The following COL26A1 variants were observed in gnomAD, a reference collection of about 807,000 sequenced individuals.
COL26A1 encodes the protein collagen type XXVI alpha 1 chain.
In COL26A1, 41 loss-of-function variants were observed where a neutral mutation model predicts 59.3. The observed-to-expected ratio is 0.69, with a 90% CI of 0.54 to 0.90. COL26A1 has a LOEUF of 0.90. Among genes scored for constraint, COL26A1 ranks in the 40% least tolerant of loss-of-function variants. The probability of loss-of-function intolerance (pLI) is 0.00; values close to 1 mark genes in which losing one functional copy is unlikely to be tolerated. For missense variants in COL26A1, 612 were observed against 602.3 expected, an observed-to-expected ratio of 1.02 and a Z score of -0.17; for synonymous variants, 266 against 256.0, an observed-to-expected ratio of 1.04 and a Z score of -0.37.
chr7:101,393,950 A>ATT (rs35379126), intron 1 of COL26A1, among the ~76,000 whole-genome samples: 3 of 149,756 alleles, frequency 2.0e-5, no homozygotes, highest in Non-Finnish European at 4.5e-5. Context: ...TTAAAAAAAA[A>ATT]TTTTTTTTTT....
At chr7:101,365,458 G>A (rs111276893) in intron 1 of COL26A1, among the ~76,000 whole-genome samples, 2,733 of 151,966 alleles carry the variant, frequency 0.018, 68 homozygotes, top group African/African-American at 0.063. Flanking sequence ...ACAGAGTCTC[G>A]CTCTGTCTCC....
At chr7:101,557,264 C>T (rs1036697626) in intron 12 of COL26A1, 106 bp from the exon 13 acceptor site, 1 of 1,193,534 alleles carries the variant, frequency 8.4e-7, no homozygotes, top group Non-Finnish European at 1.2e-6. Flanking sequence ...CCTTGCTTCT[C>T]CACGCTGGGC....
At chr7:101,556,556 T>C (rs1255795292) in intron 12 of COL26A1, among the ~76,000 whole-genome samples, 1 of 152,046 alleles carries the variant, frequency 6.6e-6, no homozygotes, top group Non-Finnish European at 1.5e-5. Context: ...GATGGGTAGA[T>C]GCATGGATGA....
chr7:101,430,554 G>A (rs546022068), intron 2 of COL26A1, among the ~76,000 whole-genome samples: 3 of 151,928 alleles, frequency 2.0e-5, no homozygotes, highest in Non-Finnish European at 4.4e-5. Context: ...TTCCCAAAGT[G>A]CTGGGATTAT....
intron 3 of COL26A1, among the ~76,000 whole-genome samples, chr7:101,523,782 T>C (rs978662389): frequency 8.5e-5 from 13 of 152,180 alleles, no homozygotes; most frequent in African/African-American, 3.1e-4. Flanking sequence ...ATTCTAGTAG[T>C]ATAAATCTTT....
intron 5 of COL26A1, among the ~76,000 whole-genome samples, chr7:101,542,708 T>A (rs931719237): frequency 6.6e-6 from 1 of 152,104 alleles, no homozygotes; most frequent in African/African-American, 2.4e-5. Context: ...GAGTAGGGTA[T>A]CCTGCATTCT....
chr7:101,544,076 A>C lies in COL26A1; in HGVS notation c.683A>C (p.Lys228Thr). 6.2e-7 allele frequency: 1 copy of C among 1,605,296 alleles called. No homozygotes were observed. Among genetic ancestry groups the C allele is most frequent in the Non-Finnish European group, 8.5e-7 (1 of 1,176,416 alleles). ...SKGDRGQTGE[K>T]GPAGPPGLLG... Reference sequence around the variant, plus strand: ...GGTGACCGAGGCCAGACAGGAGAGAAGGGTCCAGCGGGGCCGCCTGGTAAG... The same window carrying C: ...GGTGACCGAGGCCAGACAGGAGAGACGGGTCCAGCGGGGCCGCCTGGTAAG... Residue 228 changes from lysine (K) to threonine (T), a missense_variant, in exon 6 of 13, where the codon AAG (lysine) becomes ACG (threonine). Lys to Thr is a moderately conservative substitution (Grantham distance 78). Coordinates refer to ENST00000313669, the MANE Select transcript of COL26A1 (RefSeq NM_001278563.3).
chr7:101,527,982 C>T (rs959191766), intron 3 of COL26A1, among the ~76,000 whole-genome samples: 5 of 152,186 alleles, frequency 3.3e-5, no homozygotes, highest in African/African-American at 1.2e-4. Flanking sequence ...GAAAGTTAAA[C>T]AAACATGCTT....
chr7:101,456,679 T>C (rs2130410250), intron 3 of COL26A1, among the ~76,000 whole-genome samples: 1 of 152,000 alleles, frequency 6.6e-6, no homozygotes, highest in East Asian at 1.9e-4. Context: ...ATTATATATA[T>C]ATTTTGTAAA....
intron 1 of COL26A1, among the ~76,000 whole-genome samples, chr7:101,384,124 C>T (rs1791511044): frequency 6.6e-6 from 1 of 152,156 alleles, no homozygotes; most frequent in Non-Finnish European, 1.5e-5. Flanking sequence ...GGTGATCCTC[C>T]CATCCCAGCC....
chr7:101,450,938 AAT>A (rs1793321292), intron 3 of COL26A1, among the ~76,000 whole-genome samples: 1 of 144,202 alleles, frequency 6.9e-6, no homozygotes, highest in African/African-American at 2.6e-5. Flanking sequence ...TATTATCAAT[AAT>A]TATAGATATT....
At chr7:101,432,188 C>A (rs1322197160) in intron 2 of COL26A1, among the ~76,000 whole-genome samples, 1 of 152,062 alleles carries the variant, frequency 6.6e-6, no homozygotes, top group African/African-American at 2.4e-5. Context: ...TCTCAAACTC[C>A]TGACCTCAGG....
intron 1 of COL26A1, among the ~76,000 whole-genome samples, chr7:101,397,909 C>G (rs960095197): frequency 6.6e-6 from 1 of 152,160 alleles, no homozygotes; most frequent in Admixed American, 6.6e-5. Context: ...AACCACCATT[C>G]AGGCCCAGAG....
At chr7:101,386,324 C>T (rs1476810558) in intron 1 of COL26A1, among the ~76,000 whole-genome samples, 1 of 147,778 alleles carries the variant, frequency 6.8e-6, no homozygotes, top group Non-Finnish European at 1.5e-5. Context: ...AGGCTAAGTG[C>T]AGTGGCACGA....
chr7:101,366,271 GCTAT>G (rs1318227247), intron 1 of COL26A1, among the ~76,000 whole-genome samples: 1 of 152,110 alleles, frequency 6.6e-6, no homozygotes, highest in East Asian at 1.9e-4. Flanking sequence ...TGTCTCATGA[GCTAT>G]CTATCACAAG....
chr7:101,557,729 T>C lies in COL26A1; in HGVS notation c.*199T>C. On this transcript the variant is annotated 3_prime_UTR_variant, in exon 13 of 13. Coordinates refer to ENST00000313669, the MANE Select transcript of COL26A1 (RefSeq NM_001278563.3). Reference sequence around the variant, plus strand: ...GCCAACACCCTCATCAGAGCCCTCCTCTGGCCTGTCCCCTCCCCTACCCCC... The same window carrying C: ...GCCAACACCCTCATCAGAGCCCTCCCCTGGCCTGTCCCCTCCCCTACCCCC... The C allele has an allele frequency of 3.7e-6, 2 of 540,726 alleles. 1 individual carries two copies. The highest frequency in any genetic ancestry group is 6.5e-5 in the South Asian group (2 of 30,600). The allele number at this position is 540,726 out of a possible 1,614,324, so 33.5% of individuals were successfully genotyped here.
Position 101,489,753 on chromosome 7 carries a change from TCTC to T in COL26A1, c.385+41967_385+41969del, listed in dbSNP as rs1794374275. 9.2e-5 allele frequency among the ~76,000 whole-genome samples: 6 copies of T among 65,116 alleles called. 1 individual carries two copies. The highest frequency in any genetic ancestry group is 2.9e-4 in the African/African-American group (2 of 6,820). The allele number at this position is 65,116 out of a possible 152,430, so 42.7% of individuals were successfully genotyped here. On this transcript the variant is annotated intron_variant, in intron 3 of 12. Coordinates refer to ENST00000313669, the MANE Select transcript of COL26A1 (RefSeq NM_001278563.3). ...TCTCTCTTTCTCTCTTTCTTTCTTGTCTCTCTTTCTTTCTTTCTTTCTTTCTTT... is the reference window on the plus strand; with the variant it reads ...TCTCTCTTTCTCTCTTTCTTTCTTGTTCTTTCTTTCTTTCTTTCTTTCTTT...
chr7:101,545,231 CCCCTGACCAA>C, intron 6 of COL26A1, 97 bp from the exon 7 acceptor site: 1 of 1,045,218 alleles, frequency 9.6e-7, no homozygotes. Context: ...TGCCTGTGGG[CCCCTGACCAA>C]CCCTGTTTCT....
chr7:101,366,557 A>G (rs558578873), intron 1 of COL26A1, among the ~76,000 whole-genome samples: 45 of 131,356 alleles, frequency 3.4e-4, no homozygotes, highest in African/African-American at 1.1e-3. Flanking sequence ...CAGGAGCGTA[A>G]TGGTGCAATC....
Sources: allele counts gnomAD v4.1 joint callset (sites outside exome capture counted in the v4.1 genomes callset), GRCh38; gene constraint gnomAD v4.1.1; transcripts MANE v1.5; gene names NCBI Gene and HGNC (gene_info 2026-07-23, HGNC 2026-07-21).